Variants in PTN observed in about 807,000 individuals in gnomAD.
PTN encodes pleiotrophin, also known as heparin affin regulatory protein.
In PTN, 18 loss-of-function variants were observed where a neutral mutation model predicts 24.1. That is an observed-to-expected ratio of 0.75 (90% confidence interval 0.52 to 1.11). The LOEUF (loss-of-function observed/expected upper bound fraction) is 1.11. PTN is among the 50% of genes least tolerant of loss of function. The pLI, the probability that PTN is intolerant of heterozygous loss-of-function variation, is 0.00. For missense variants in PTN, 163 were observed against 198.8 expected (o/e 0.82, Z 1.08); for synonymous variants, 78 against 68.6 (o/e 1.14, Z -0.67).
intron 1 of PTN, among the ~76,000 whole-genome samples, chr7:137,257,268 A>C (rs780300170): frequency 6.6e-6 from 1 of 152,210 alleles, no homozygotes; most frequent in Non-Finnish European, 1.5e-5. Flanking sequence ...CTAAATTCTT[A>C]TTATATCAGA....
chr7:137,307,186 A>G (rs1809902858), intron 1 of PTN, among the ~76,000 whole-genome samples: 1 of 152,102 alleles, frequency 6.6e-6, no homozygotes. Flanking sequence ...TTCAGCCTCC[A>G]TGAAAGTTTA....
chr7:137,257,699 C>T (rs965544032), intron 1 of PTN, among the ~76,000 whole-genome samples: 9 of 152,156 alleles, frequency 5.9e-5, no homozygotes, highest in Non-Finnish European at 1.2e-4. Flanking sequence ...CAATATATTT[C>T]TTTCCAAGTT....
intron 1 of PTN, among the ~76,000 whole-genome samples, chr7:137,260,763 G>A (rs1809021956): frequency 6.6e-6 from 1 of 152,112 alleles, no homozygotes; most frequent in Non-Finnish European, 1.5e-5. Flanking sequence ...TGGTAAGAAT[G>A]TAAATAACAT....
At chr7:137,317,572 C>T (rs1254913832) in intron 1 of PTN, among the ~76,000 whole-genome samples, 1 of 152,116 alleles carries the variant, frequency 6.6e-6, no homozygotes, top group Non-Finnish European at 1.5e-5. Context: ...TCCTTTTCAT[C>T]CCAGAAACTG....
intron 1 of PTN, among the ~76,000 whole-genome samples, chr7:137,273,537 T>C (rs1809310692): frequency 6.6e-6 from 1 of 152,154 alleles, no homozygotes; most frequent in Admixed American, 6.5e-5. Context: ...CAAATACTTA[T>C]GAAACCACTG....
At chr7:137,304,367 T>C (rs1809853285) in intron 1 of PTN, among the ~76,000 whole-genome samples, 1 of 151,754 alleles carries the variant, frequency 6.6e-6, no homozygotes, top group Admixed American at 6.6e-5. Context: ...CCACTTTCTG[T>C]CTCCATGGAA....
rs1014992658 is a variant in PTN at position 137,284,287 on chromosome 7, T to C, written c.-1-29313A>G. Among the ~76,000 whole-genome samples, 8 of 152,194 alleles carry C rather than the reference T, an allele frequency of 5.3e-5. No individual in the cohort carries two copies. In the East Asian group the frequency reaches 5.8e-4, roughly 11 times the overall value. On this transcript the variant is annotated intron_variant, in intron 1 of 4. Transcript: ENST00000348225. ...CATATTTTATAATGGTATGTACGAA[T>C]TGATTGCTTCCTGACCCTTCAGGAA...
chr7:137,333,090 T>A (rs954884802), intron 1 of PTN, among the ~76,000 whole-genome samples: 18 of 152,086 alleles, frequency 1.2e-4, no homozygotes, highest in Non-Finnish European at 2.4e-4. Context: ...CCCTCCCTGG[T>A]GGGTTTTGGG....
intron 1 of PTN, among the ~76,000 whole-genome samples, chr7:137,261,023 T>C (rs1268139426): frequency 6.6e-6 from 1 of 152,190 alleles, no homozygotes; most frequent in African/African-American, 2.4e-5. Flanking sequence ...TTTATTTATC[T>C]AGTTTTCAAG....
At chr7:137,325,893 T>C (rs1810251773) in intron 1 of PTN, 1 of 152,192 alleles carries the variant, frequency 6.6e-6, no homozygotes, top group East Asian at 1.9e-4. Context: ...CTCACACCAT[T>C]CCATGTGCAT....
intron 4 of PTN, among the ~76,000 whole-genome samples, chr7:137,237,087 A>G (rs1808535622): frequency 6.6e-6 from 1 of 152,190 alleles, no homozygotes. Flanking sequence ...CCTCCTGAAA[A>G]TTCATACTGA....
At chr7:137,266,598 ACT>A (rs1809150929) in intron 1 of PTN, among the ~76,000 whole-genome samples, 1 of 149,872 alleles carries the variant, frequency 6.7e-6, no homozygotes, top group African/African-American at 2.5e-5. Flanking sequence ...ACCATATAAC[ACT>A]CTTTTTACAT....
chr7:137,264,912 G>C (rs1479676755), intron 1 of PTN, among the ~76,000 whole-genome samples: 3 of 151,882 alleles, frequency 2.0e-5, no homozygotes, highest in African/African-American at 7.3e-5. Flanking sequence ...CTAGTGTTTT[G>C]AGAGATAGGC....
intron 1 of PTN, among the ~76,000 whole-genome samples, chr7:137,261,663 A>G (rs1809040460): frequency 6.6e-6 from 1 of 152,236 alleles, no homozygotes; most frequent in South Asian, 2.1e-4. Flanking sequence ...ACATGGGAGC[A>G]TTCAGAACGA....
intron 1 of PTN, among the ~76,000 whole-genome samples, chr7:137,299,126 T>TTCAC (rs1809765296): frequency 6.6e-6 from 1 of 151,990 alleles, no homozygotes. Context: ...ACAGCCAGAA[T>TTCAC]ACTGTTCAAC....
intron 1 of PTN, among the ~76,000 whole-genome samples, chr7:137,256,457 G>T (rs1808927110): frequency 6.6e-6 from 1 of 152,072 alleles, no homozygotes; most frequent in African/African-American, 2.4e-5. Context: ...GTGGATGATG[G>T]CCTCCAGCTT....
intron 1 of PTN, among the ~76,000 whole-genome samples, chr7:137,308,763 A>G (rs184331493): frequency 7.9e-5 from 12 of 152,284 alleles, no homozygotes; most frequent in African/African-American, 2.6e-4. Context: ...TCCCTGGGGC[A>G]TAAACACTAT....
chr7:137,303,562 CA>C (rs1055132957), intron 1 of PTN, among the ~76,000 whole-genome samples: 13 of 151,920 alleles, frequency 8.6e-5, no homozygotes, highest in African/African-American at 3.1e-4. Flanking sequence ...TTTCTACACA[CA>C]GTTATTAAAC....
At chr7:137,231,225 AAT>A (rs1808421537) in intron 4 of PTN, among the ~76,000 whole-genome samples, 1 of 151,902 alleles carries the variant, frequency 6.6e-6, no homozygotes, top group Non-Finnish European at 1.5e-5. Flanking sequence ...AGTGAAAATA[AAT>A]GGATCCATAA....
Sources: gnomAD v4.1 joint callset for allele counts (sites outside exome capture counted in the v4.1 genomes callset) on GRCh38, gnomAD v4.1.1 for gene constraint, MANE v1.5 for transcripts, NCBI Gene and HGNC (gene_info 2026-07-23, HGNC 2026-07-21) for gene names.